Variants in CEP250 observed in about 807,000 individuals in gnomAD.
CEP250 encodes the protein centrosome-associated protein CEP250.
A neutral mutation model predicts 315.7 loss-of-function variants in CEP250; 242 were observed. That is an observed-to-expected ratio of 0.77 (90% CI 0.69 to 0.85). CEP250 has a LOEUF of 0.85. Among genes scored for constraint, CEP250 ranks in the 40% least tolerant of loss-of-function variants. CEP250 has a pLI of 0.00. For synonymous variants in CEP250, 1,088 were observed against 1,175.0 expected, an observed-to-expected ratio of 0.93 and a Z score of 1.51; for missense variants, 2,515 against 2,886.4, an observed-to-expected ratio of 0.87 and a Z score of 2.95.
At chr20:35,466,000 C>T (rs373750157) in intron 6 of CEP250, 39 bp from the exon 7 acceptor site, 170 of 1,611,500 alleles carry the variant, frequency 1.1e-4, no homozygotes, top group Non-Finnish European at 1.4e-4. Context: ...TTGGACTAGA[C>T]CTTTATTTTG....
Position 35,466,910 on chromosome 20 carries a change from G to A in CEP250, c.493-56G>A, listed in dbSNP as rs2146715908. Reference sequence around the variant, plus strand: ...GTCAGGAGGAATCCAAGACTCTTGTGTTGGCAAAAGATAGCCCTCTGCCTT... The same window carrying A: ...GTCAGGAGGAATCCAAGACTCTTGTATTGGCAAAAGATAGCCCTCTGCCTT... On this transcript the variant is annotated intron_variant, in intron 7 of 34. Transcript: ENST00000397527. 4 of 1,124,956 alleles carry A rather than the reference G, an allele frequency of 3.6e-6. No individual in the cohort carries two copies. In the South Asian group the frequency reaches 4.9e-5, roughly 14 times the overall value. The allele number at this position is 1,124,956 out of a possible 1,614,324, so 69.7% of individuals were successfully genotyped here.
rs1281106829 is a variant in CEP250, at chr20:35,497,744, A to G, written c.3332A>G (p.Lys1111Arg). ...AQMELLRQEV[K>R]EKEADFLAQE... Reference sequence around the variant, plus strand: ...ATGGAATTACTAAGGCAAGAGGTGAAGGAAAAGGAGGCTGACTTTCTGGCC... The same window carrying G: ...ATGGAATTACTAAGGCAAGAGGTGAGGGAAAAGGAGGCTGACTTTCTGGCC... The change falls in exon 26 of 35, where the codon AAG becomes AGG. Residue 1111 changes from lysine to arginine, a missense_variant. By Grantham distance (26) the Lys-to-Arg change is conservative (BLOSUM62 2). Transcript: ENST00000397527. The G allele has an allele frequency of 6.4e-7, 1 of 1,556,876 alleles. No homozygotes were observed. The highest frequency in any genetic ancestry group is 8.7e-7 in the Non-Finnish European group (1 of 1,149,494).
chr20:35,458,966 CTTTTTTTTTTTTTTTT>C (rs778598883), intron 2 of CEP250, among the ~76,000 whole-genome samples: 1 of 59,210 alleles, frequency 1.7e-5, no homozygotes, highest in Non-Finnish European at 2.8e-5. Flanking sequence ...TAATGCAAAT[CTTTTTTTTTTTTTTTT>C]TTTTTTTTTT....
rs1036907035 is a variant in CEP250 at position 35,455,759 on chromosome 20, C to A, written c.-298+8C>A. The A allele has an allele frequency of 2.0e-5, 3 of 152,272 alleles. No homozygotes were observed. Among genetic ancestry groups the A allele is most frequent in the Non-Finnish European group, 4.4e-5 (3 of 68,062 alleles). The allele number at this position is 152,272 out of a possible 1,614,324, so 9.4% of individuals were successfully genotyped here. On this transcript the variant is annotated splice_region_variant and intron_variant, in intron 1 of 34. Coordinates refer to ENST00000397527, the MANE Select transcript of CEP250 (RefSeq NM_007186.6). ...CGGCCCCTCGTTGACACCGTAAGCT[C>A]GTTCGTTAGATGTTATGCCTTGCCT...
chr20:35,515,682 A>T lies in CEP250; in HGVS notation c.*4056A>T, dbSNP rs886089611. The T allele has an allele frequency of 6.6e-6, 1 of 152,162 alleles. No homozygotes were observed. The highest frequency in any genetic ancestry group is 2.4e-5 in the African/African-American group (1 of 41,390). The allele number at this position is 152,162 out of a possible 1,614,324, so 9.4% of individuals were successfully genotyped here. A position where few individuals can be genotyped will look rare whatever the true frequency, so the allele number is the denominator to read the frequency against. Reference sequence around the variant, plus strand: ...GCAATACCTCACCTCCTGCCTTCTGACCCAGTACTCTGCAGAGCGGGGGAA... The same window carrying T: ...GCAATACCTCACCTCCTGCCTTCTGTCCCAGTACTCTGCAGAGCGGGGGAA... On this transcript the variant is annotated 3_prime_UTR_variant, in exon 35 of 35. Coordinates refer to ENST00000397527, the MANE Select transcript of CEP250 (RefSeq NM_007186.6).
chr20:35,455,314 C>G (rs1487469492), upstream of CEP250: 1 of 152,264 alleles, frequency 6.6e-6, no homozygotes, highest in Non-Finnish European at 1.5e-5. Flanking sequence ...CCGTCTAGGG[C>G]GCCTGAGGGA....
intron 17 of CEP250, 138 bp from the exon 18 acceptor site, chr20:35,479,093 C>A: frequency 1.3e-6 from 1 of 754,904 alleles, no homozygotes; most frequent in Non-Finnish European, 2.1e-6. Context: ...AGATAAATGC[C>A]ACGTGCTATT....
chr20:35,470,015 T>A, intron 10 of CEP250, 29 bp downstream of exon 10: 1 of 1,485,820 alleles, frequency 6.7e-7, no homozygotes, highest in Non-Finnish European at 9.4e-7. Flanking sequence ...TGGAAAGGAG[T>A]TGGGCGTGGG....
At chr20:35,471,929 G>T in intron 10 of CEP250, 121 bp from the exon 11 acceptor site, 1 of 673,502 alleles carries the variant, frequency 1.5e-6, no homozygotes. Context: ...TTGACATATG[G>T]TCAGGGAAAA....
In CEP250 at chr20:35,494,461, A is replaced by T. The variant is rs1317484992; in HGVS notation, c.3034-63A>T. ...TCGAAGGACCCTGAAGCCCTAGGTG[A>T]GGAGCATCTTCCCACCGGCCCCCTG... On this transcript the variant is annotated intron_variant, in intron 23 of 34. Coordinates refer to ENST00000397527, the MANE Select transcript of CEP250 (RefSeq NM_007186.6). 2.5e-6 allele frequency: 4 copies of T among 1,602,086 alleles called. No individual in the cohort carries two copies. The Admixed American group carries it at 6.8e-5, about 27-fold the overall frequency.
chr20:35,518,214 G>A lies in CEP250; in HGVS notation c.*6588G>A, dbSNP rs981877666. The A allele has an allele frequency of 1.3e-5, 2 of 150,636 alleles. No individual in the cohort carries two copies. The highest frequency in any genetic ancestry group is 2.9e-5 in the Non-Finnish European group (2 of 67,850). 9.3% of individuals were successfully genotyped at this position (150,636 alleles called of 1,614,324 possible). Reference sequence around the variant, plus strand: ...TAACTTGTCTATGTGGTGCCATAACGGGTCCAGTATCTGGACACGAGGCCG... The same window carrying A: ...TAACTTGTCTATGTGGTGCCATAACAGGTCCAGTATCTGGACACGAGGCCG... On this transcript the variant is annotated 3_prime_UTR_variant, in exon 35 of 35. Coordinates refer to ENST00000397527, the MANE Select transcript of CEP250 (RefSeq NM_007186.6).
intron 3 of CEP250, among the ~76,000 whole-genome samples, chr20:35,461,059 G>A (rs2062744174): frequency 6.6e-6 from 1 of 152,216 alleles, no homozygotes; most frequent in Non-Finnish European, 1.5e-5. Flanking sequence ...CGTGGCATTT[G>A]AGCCAGGATG....
rs929132221 is a variant in CEP250, at chr20:35,494,709, C to A, written c.3167+52C>A. On this transcript the variant is annotated intron_variant, in intron 24 of 34. Coordinates refer to ENST00000397527, the MANE Select transcript of CEP250 (RefSeq NM_007186.6). ...CTTTTGTCTATCTGGCTGCCATGGTCACTGTGATATTGACAGTTGTTTGCT... is the reference window on the plus strand; with the variant it reads ...CTTTTGTCTATCTGGCTGCCATGGTAACTGTGATATTGACAGTTGTTTGCT... 3.1e-6 allele frequency: 5 copies of A among 1,605,496 alleles called. No homozygotes were observed. In the African/African-American group the frequency reaches 4.0e-5, roughly 13 times the overall value.
At chr20:35,456,690 G>A (rs977081416) in intron 1 of CEP250, among the ~76,000 whole-genome samples, 2 of 152,124 alleles carry the variant, frequency 1.3e-5, no homozygotes, top group African/African-American at 4.8e-5. Flanking sequence ...TGCTTTAACA[G>A]CTAATGTAAT....
intron 33 of CEP250, among the ~76,000 whole-genome samples, chr20:35,509,325 C>T (rs2064288750): frequency 6.6e-6 from 1 of 152,184 alleles, no homozygotes; most frequent in Non-Finnish European, 1.5e-5. Flanking sequence ...GGGAGTGGGG[C>T]TCATGGGGCT....
chr20:35,476,618 C>T (rs773799543), intron 16 of CEP250, 23 bp downstream of exon 16: 59 of 1,605,982 alleles, frequency 3.7e-5, no homozygotes, highest in Middle Eastern at 1.7e-4. Flanking sequence ...TTTCCTGGTC[C>T]CCACAGAAGG....
chr20:35,510,754 G>A (rs1045795702), intron 34 of CEP250, among the ~76,000 whole-genome samples: 27 of 152,130 alleles, frequency 1.8e-4, no homozygotes, highest in African/African-American at 6.3e-4. Flanking sequence ...CAGCACTTTC[G>A]GAGGCCAAGG....
At chr20:35,491,659 T>C (rs577823747) in intron 22 of CEP250, among the ~76,000 whole-genome samples, 2 of 152,038 alleles carry the variant, frequency 1.3e-5, no homozygotes, top group African/African-American at 2.4e-5. Flanking sequence ...TCCCAGCACA[T>C]TGGGAGGCTG....
Position 35,504,074 on chromosome 20 carries a change from C to G in CEP250, c.5705C>G (p.Ala1902Gly), listed in dbSNP as rs967431964. 4 of 1,607,260 alleles carry G rather than the reference C, an allele frequency of 2.5e-6. No homozygotes were observed. Among genetic ancestry groups the G allele is most frequent in the Non-Finnish European group, 3.4e-6 (4 of 1,175,954 alleles). Reference sequence around the variant, plus strand: ...GCTGAGTCTCGGGAACAGGAGAAAGCTCTGTTGGCCCTCCAGCAGCAGTGT... The same window carrying G: ...GCTGAGTCTCGGGAACAGGAGAAAGGTCTGTTGGCCCTCCAGCAGCAGTGT... ...LRAESREQEK[A>G]LLALQQQCAE... The change falls in exon 30 of 35, where the codon GCT (alanine) becomes GGT (glycine). Residue 1902 changes from alanine (A) to glycine (G), a missense_variant. Transcript: ENST00000397527.
Sources: allele counts gnomAD v4.1 joint callset (sites outside exome capture counted in the v4.1 genomes callset), GRCh38; gene constraint gnomAD v4.1.1; transcripts MANE v1.5; gene names NCBI Gene and HGNC (gene_info 2026-07-23, HGNC 2026-07-21).